The following RBFOX1 variants were observed in gnomAD, a reference collection of about 807,000 sequenced individuals.
The protein encoded by RBFOX1 is RNA binding fox-1 homolog 1.
RBFOX1 carries 8 observed loss-of-function variants against 57.7 expected under a neutral mutation model. That is an observed-to-expected ratio of 0.14 (90% CI 0.08 to 0.25). The LOEUF (loss-of-function observed/expected upper bound fraction) is 0.25, where lower values mean the gene tolerates loss of function less well. Ranked by LOEUF, RBFOX1 falls within the 10% of genes least tolerant of loss-of-function variation. The pLI is 1.00. For missense variants in RBFOX1, 611 were observed against 548.5 expected, an observed-to-expected ratio of 1.11 and a Z score of -1.14; for synonymous variants, 326 against 222.4, an observed-to-expected ratio of 1.47 and a Z score of -4.15.
At chr16:7,139,251 T>G (rs2072979987) in intron 4 of RBFOX1, among the ~76,000 whole-genome samples, 1 of 151,884 alleles carries the variant, frequency 6.6e-6, no homozygotes, top group South Asian at 2.1e-4. Context: ...TCTCTTTCTT[T>G]TTCTATTTTC....
At chr16:6,784,701 T>C (rs1365780257) in intron 3 of RBFOX1, among the ~76,000 whole-genome samples, 1 of 152,148 alleles carries the variant, frequency 6.6e-6, no homozygotes, top group Non-Finnish European at 1.5e-5. Flanking sequence ...CTGATTTTTT[T>C]TTTTTATAAA....
intron 4 of RBFOX1, among the ~76,000 whole-genome samples, chr16:7,253,004 G>T (rs756193772): frequency 2.0e-5 from 3 of 152,176 alleles, no homozygotes; most frequent in Non-Finnish European, 4.4e-5. Context: ...TTGAGCCTCT[G>T]ATAATAAGCC....
intron 3 of RBFOX1, among the ~76,000 whole-genome samples, chr16:5,726,407 G>C (rs1479384545): frequency 6.6e-6 from 1 of 152,062 alleles, no homozygotes; most frequent in Admixed American, 6.6e-5. Flanking sequence ...TCCCTCCCTG[G>C]GGCCCTAGAC....
chr16:5,469,900 G>A (rs186587133), intron 2 of RBFOX1, among the ~76,000 whole-genome samples: 1 of 152,148 alleles, frequency 6.6e-6, no homozygotes, highest in Non-Finnish European at 1.5e-5. Context: ...TTCATCTAGG[G>A]GTGGAAATTT....
At chr16:7,344,172 G>A (rs2096951068) in intron 4 of RBFOX1, among the ~76,000 whole-genome samples, 1 of 142,240 alleles carries the variant, frequency 7.0e-6, no homozygotes, top group African/African-American at 2.6e-5. Context: ...CGGTAAAATG[G>A]CCCATATTAA....
At chr16:5,981,482 T>G (rs2152310480) in intron 4 of RBFOX1, among the ~76,000 whole-genome samples, 1 of 152,324 alleles carries the variant, frequency 6.6e-6, no homozygotes, top group East Asian at 1.9e-4. Context: ...TATTATTTTA[T>G]TTTTGAGATG....
chr16:6,738,765 A>T (rs1230879243), intron 3 of RBFOX1, among the ~76,000 whole-genome samples: 1 of 152,170 alleles, frequency 6.6e-6, no homozygotes, highest in Non-Finnish European at 1.5e-5. Flanking sequence ...AAATGTAAAG[A>T]CAGTGAAATC....
chr16:6,055,137 T>C (rs1374732440), intron 1 of RBFOX1, among the ~76,000 whole-genome samples: 2 of 152,170 alleles, frequency 1.3e-5, no homozygotes, highest in Non-Finnish European at 2.9e-5. Flanking sequence ...AAACTTATCC[T>C]ACAGGTCATT....
chr16:5,250,350 C>T (rs1005527446), intron 1 of RBFOX1, among the ~76,000 whole-genome samples: 1 of 152,014 alleles, frequency 6.6e-6, no homozygotes, highest in Non-Finnish European at 1.5e-5. Flanking sequence ...TGGTTTACTG[C>T]ACCTATCAAC....
intron 3 of RBFOX1, among the ~76,000 whole-genome samples, chr16:6,893,570 A>T (rs1046040299): frequency 3.9e-5 from 6 of 152,168 alleles, no homozygotes; most frequent in South Asian, 4.1e-4. Flanking sequence ...GCCCCAAAGT[A>T]AATTTAGACC....
At chr16:5,944,692 C>A (rs955216262) in intron 4 of RBFOX1, among the ~76,000 whole-genome samples, 1 of 150,012 alleles carries the variant, frequency 6.7e-6, no homozygotes, top group Non-Finnish European at 1.5e-5. Context: ...TGGTGGCTCA[C>A]GCCTGTAATC....
At chr16:5,348,888 G>A (rs944047785) in intron 1 of RBFOX1, among the ~76,000 whole-genome samples, 4 of 152,190 alleles carry the variant, frequency 2.6e-5, no homozygotes, top group Non-Finnish European at 5.9e-5. Flanking sequence ...TGGGCATGCA[G>A]GCATCTCTCT....
intron 3 of RBFOX1, among the ~76,000 whole-genome samples, chr16:6,671,117 A>G (rs561252540): frequency 3.3e-5 from 5 of 152,360 alleles, no homozygotes; most frequent in East Asian, 3.9e-4. Context: ...TTTTGACCCA[A>G]TCTTACTCAT....
downstream of RBFOX1, among the ~76,000 whole-genome samples, chr16:5,603,433 T>G (rs574272162): frequency 2.0e-5 from 3 of 152,326 alleles, no homozygotes; most frequent in South Asian, 6.2e-4. Context: ...TTGGGCTGTT[T>G]CCCATGCTGC....
chr16:6,115,760 C>T (rs909356185), intron 1 of RBFOX1, among the ~76,000 whole-genome samples: 5 of 152,110 alleles, frequency 3.3e-5, no homozygotes, highest in African/African-American at 1.2e-4. Flanking sequence ...GCTAGGTTTG[C>T]CTTGTGGTCA....
intron 3 of RBFOX1, among the ~76,000 whole-genome samples, chr16:6,780,349 A>ATTTT (rs1191281262): frequency 4.0e-5 from 4 of 99,486 alleles, no homozygotes; most frequent in Non-Finnish European, 6.8e-5. Flanking sequence ...ATATTTATAT[A>ATTTT]CATATTTATA....
At chr16:6,053,754 T>C (rs1228066471) in intron 1 of RBFOX1, among the ~76,000 whole-genome samples, 1 of 152,168 alleles carries the variant, frequency 6.6e-6, no homozygotes, top group Non-Finnish European at 1.5e-5. Flanking sequence ...TTGTACAATC[T>C]TAATGGGACC....
At chr16:7,070,466 T>G (rs1328609033) in intron 4 of RBFOX1, among the ~76,000 whole-genome samples, 1 of 152,198 alleles carries the variant, frequency 6.6e-6, no homozygotes, top group African/African-American at 2.4e-5. Context: ...TTTTGTGGTG[T>G]TATTTTCAGG....
intron 3 of RBFOX1, among the ~76,000 whole-genome samples, chr16:5,850,718 CAG>C (rs903575745): frequency 4.7e-4 from 72 of 152,262 alleles, no homozygotes; most frequent in African/African-American, 1.6e-3. Flanking sequence ...TCGGTTTGCA[CAG>C]AGAGTCAGTG....
Sources: gnomAD v4.1 joint callset for allele counts (sites outside exome capture counted in the v4.1 genomes callset) on GRCh38, gnomAD v4.1.1 for gene constraint, MANE v1.5 for transcripts, NCBI Gene and HGNC (gene_info 2026-07-23, HGNC 2026-07-21) for gene names.